Variants in R3HDM1 observed in about 807,000 individuals in gnomAD.
The protein encoded by R3HDM1 is R3H domain containing 1, also known as R3H domain-containing protein 1.
A neutral mutation model predicts 141.1 loss-of-function variants in R3HDM1; 46 were observed. The ratio of observed to expected loss-of-function variants is 0.33; its 90% CI spans 0.26 to 0.42. R3HDM1 has a LOEUF of 0.42. Among genes scored for constraint, R3HDM1 ranks in the 10% least tolerant of loss-of-function variants. The probability of loss-of-function intolerance (pLI) is 1.00; values close to 1 mark genes in which losing one functional copy is unlikely to be tolerated. For synonymous variants in R3HDM1, 435 were observed against 472.9 expected (o/e 0.92, Z 1.04); for missense variants, 1,184 against 1,368.3 (o/e 0.87, Z 2.12).
At chr2:135,567,622 A>C (rs2104982020) in intron 1 of R3HDM1, among the ~76,000 whole-genome samples, 1 of 152,294 alleles carries the variant, frequency 6.6e-6, no homozygotes, top group South Asian at 2.1e-4. Flanking sequence ...TCTTTAATTA[A>C]ATATTTAAAC....
intron 7 of R3HDM1, among the ~76,000 whole-genome samples, chr2:135,630,281 CAAAAAAA>C (rs911009655): frequency 5.9e-4 from 23 of 39,314 alleles, no homozygotes; most frequent in South Asian, 1.1e-3. Flanking sequence ...CCTTCTCAAC[CAAAAAAA>C]AAAAAAAAAA....
intron 1 of R3HDM1, among the ~76,000 whole-genome samples, chr2:135,561,724 CA>C (rs11293062): frequency 0.083 from 11,712 of 141,582 alleles, 1,494 homozygotes; most frequent in African/African-American, 0.28. Flanking sequence ...GTCTCAAAAA[CA>C]AAAAAAAAAC....
chr2:135,565,334 T>TATTATG (rs1301014639), intron 1 of R3HDM1, among the ~76,000 whole-genome samples: 1 of 146,590 alleles, frequency 6.8e-6, no homozygotes, highest in Admixed American at 6.8e-5. Flanking sequence ...TTATTATTAT[T>TATTATG]ATTATTATTA....
chr2:135,626,417 AG>A (rs2062061816), intron 7 of R3HDM1, among the ~76,000 whole-genome samples: 1 of 152,220 alleles, frequency 6.6e-6, no homozygotes, highest in African/African-American at 2.4e-5. Flanking sequence ...TATTTTAACA[AG>A]TCATTTCATT....
intron 18 of R3HDM1, among the ~76,000 whole-genome samples, chr2:135,654,127 G>A (rs1316414044): frequency 6.6e-6 from 1 of 151,926 alleles, no homozygotes; most frequent in Non-Finnish European, 1.5e-5. Context: ...GTTGCTACTT[G>A]TTCCTCCATT....
chr2:135,695,574 A>G (rs1025072433), intron 21 of R3HDM1, among the ~76,000 whole-genome samples: 5 of 152,246 alleles, frequency 3.3e-5, no homozygotes, highest in African/African-American at 1.2e-4. Context: ...TGAAGAAAAC[A>G]TCTTAAAAAG....
At chr2:135,629,536 A>G (rs1290745033) in intron 7 of R3HDM1, among the ~76,000 whole-genome samples, 1 of 152,230 alleles carries the variant, frequency 6.6e-6, no homozygotes, top group Non-Finnish European at 1.5e-5. Context: ...CAAATAGTTC[A>G]AATAACTATA....
chr2:135,547,002 C>T (rs987102669), intron 1 of R3HDM1, among the ~76,000 whole-genome samples: 1 of 151,986 alleles, frequency 6.6e-6, no homozygotes, highest in Non-Finnish European at 1.5e-5. Context: ...TTATAAAAAC[C>T]TTTTTTTAAG....
At chr2:135,536,503 T>A (rs998696049) in intron 1 of R3HDM1, 1 of 910,936 alleles carries the variant, frequency 1.1e-6, no homozygotes, top group African/African-American at 1.8e-5. Context: ...TTTACTAAAG[T>A]TTTTATCTAC....
In R3HDM1 at chr2:135,575,461, C is replaced by T. The variant is rs530051578; in HGVS notation, c.-249-27039C>T. 2.6e-4 allele frequency among the ~76,000 whole-genome samples: 40 copies of T among 152,300 alleles called. No individual in the cohort carries two copies. The South Asian group carries it at 5.8e-3, about 22-fold the overall frequency. ...CTCCCAAAGTGCTAGGATTTACAGG[C>T]GTGAGCCAACATGCCCGGCCCAACC... is the stretch of plus-strand genomic sequence containing the variant. On this transcript the variant is annotated intron_variant, in intron 1 of 26. Transcript: ENST00000683871.
intron 22 of R3HDM1, 95 bp downstream of exon 22, chr2:135,709,631 G>T: frequency 7.0e-7 from 1 of 1,435,090 alleles, no homozygotes; most frequent in South Asian, 1.3e-5. Flanking sequence ...TTCTCAATTT[G>T]TGATGTGCTG....
intron 11 of R3HDM1, among the ~76,000 whole-genome samples, chr2:135,637,812 T>C (rs1574578084): frequency 6.6e-6 from 1 of 152,282 alleles, no homozygotes; most frequent in East Asian, 1.9e-4. Context: ...ACTTTTGGCT[T>C]TTTTCTTTTT....
Position 135,569,718 on chromosome 2 carries a change from C to CTTTTTT in R3HDM1, c.-249-32777_-249-32772dup, listed in dbSNP as rs139858819. The stretch of plus-strand genomic sequence containing the variant: ...GAACATACCTTTCATATAGTAAGCT[C>CTTTTTT]TTTTTTTTTTGTTGTTGTTTTTTTT... On this transcript the variant is annotated intron_variant, in intron 1 of 26. Coordinates refer to ENST00000683871, the MANE Select transcript of R3HDM1 (RefSeq NM_001378107.1). Among the ~76,000 whole-genome samples the CTTTTTT allele has an allele frequency of 1.8e-4, 23 of 129,334 alleles. 1 individual carries two copies. The highest frequency in any genetic ancestry group is 8.2e-4 in the African/African-American group (21 of 25,484). 84.8% of individuals were successfully genotyped at this position (129,334 alleles called of 152,430 possible).
intron 18 of R3HDM1, among the ~76,000 whole-genome samples, chr2:135,653,210 G>T (rs1170068699): frequency 2.6e-5 from 4 of 151,978 alleles, no homozygotes; most frequent in African/African-American, 9.7e-5. Flanking sequence ...ACAAAAATTA[G>T]CTGGGCGTGG....
intron 1 of R3HDM1, chr2:135,536,713 T>A (rs1267252748): frequency 1.0e-6 from 1 of 981,796 alleles, no homozygotes; most frequent in Non-Finnish European, 1.2e-6. Flanking sequence ...GTTGTACAAT[T>A]AACTTTGCTA....
intron 7 of R3HDM1, among the ~76,000 whole-genome samples, chr2:135,624,012 G>T (rs2061752780): frequency 6.6e-6 from 1 of 152,162 alleles, no homozygotes; most frequent in Non-Finnish European, 1.5e-5. Context: ...GGGCATTTGA[G>T]ATAGAGACTA....
chr2:135,611,887 G>A (rs2060584217), intron 3 of R3HDM1, among the ~76,000 whole-genome samples: 3 of 152,120 alleles, frequency 2.0e-5, no homozygotes, highest in South Asian at 4.1e-4. Context: ...CATACTTACC[G>A]TTTGTACTTC....
chr2:135,674,772 A>G (rs1398426568), intron 19 of R3HDM1, among the ~76,000 whole-genome samples: 2 of 151,646 alleles, frequency 1.3e-5, no homozygotes, highest in Non-Finnish European at 1.5e-5. Flanking sequence ...GTATAACTCC[A>G]TTTGCCTGTG....
chr2:135,549,561 CAAAAAAA>C (rs1236257586), intron 1 of R3HDM1, among the ~76,000 whole-genome samples: 16 of 67,480 alleles, frequency 2.4e-4, no homozygotes, highest in African/African-American at 7.5e-4. Context: ...AACTCTGCCT[CAAAAAAA>C]AAAAAAAAAA....
Sources: allele counts gnomAD v4.1 joint callset (sites outside exome capture counted in the v4.1 genomes callset), GRCh38; gene constraint gnomAD v4.1.1; transcripts MANE v1.5; gene names NCBI Gene and HGNC (gene_info 2026-07-23, HGNC 2026-07-21).